ZFP64: variants seen among roughly 807,000 people sequenced by gnomAD.
The protein encoded by ZFP64 is ZFP64 zinc finger protein.
ZFP64 carries 14 observed loss-of-function variants against 51.6 expected under a neutral mutation model. That is an observed-to-expected ratio of 0.27 (90% CI 0.18 to 0.42). The LOEUF is 0.42. Ranked by LOEUF, ZFP64 falls within the 10% of genes least tolerant of loss-of-function variation. The pLI is 1.00. For missense variants in ZFP64, 754 were observed against 906.8 expected (o/e 0.83, Z 2.16); for synonymous variants, 375 against 361.4 (o/e 1.04, Z -0.43).
intron 5 of ZFP64, among the ~76,000 whole-genome samples, chr20:52,102,815 TTAGA>T (rs1368692667): frequency 2.0e-5 from 3 of 152,228 alleles, no homozygotes; most frequent in African/African-American, 7.2e-5. Flanking sequence ...TCTCATTAGC[TTAGA>T]TGAAGTTCTT....
chr20:52,150,137 G>A (rs141595045), downstream of ZFP64, among the ~76,000 whole-genome samples: 8 of 151,090 alleles, frequency 5.3e-5, no homozygotes, highest in African/African-American at 7.3e-5. Flanking sequence ...CCCGGGAGGC[G>A]GAGCTTGTAG....
Position 52,191,777 on chromosome 20 carries a change from TG to T in ZFP64, c.-142del, listed in dbSNP as rs1984397719. 1.4e-5 allele frequency: 15 copies of T among 1,090,788 alleles called. No homozygotes were observed. Among genetic ancestry groups the T allele is most frequent in the Non-Finnish European group, 1.8e-5 (15 of 817,828 alleles). 67.6% of individuals were successfully genotyped at this position (1,090,788 alleles called of 1,614,324 possible). Reference sequence around the variant, plus strand: ...AACTCTGCGAGGCGGGGAGGACGGATGTAAAGCAAGCTGCACTTCCGCTGCC... The same window carrying T: ...AACTCTGCGAGGCGGGGAGGACGGATTAAAGCAAGCTGCACTTCCGCTGCC... On this transcript the variant is annotated 5_prime_UTR_variant, in exon 1 of 6. Transcript: ENST00000216923. This position sits in a 1 kb window ranked among gnomAD's most constrained non-coding sequence, Gnocchi z 4.3.
At chr20:52,180,547 CAAAAAAAA>C (rs10669415) in intron 2 of ZFP64, among the ~76,000 whole-genome samples, 1 of 87,210 alleles carries the variant, frequency 1.1e-5, no homozygotes, top group African/African-American at 4.7e-5. Flanking sequence ...CCAGAAATGG[CAAAAAAAA>C]AAAAAAAAAA....
chr20:52,178,235 A>G (rs1247337364), intron 2 of ZFP64, among the ~76,000 whole-genome samples: 1 of 152,068 alleles, frequency 6.6e-6, no homozygotes, highest in Non-Finnish European at 1.5e-5. Flanking sequence ...TTTGAGAAAC[A>G]TCGCAATGAG....
At chr20:52,087,177 T>A (rs1245572167) in intron 8 of ZFP64, among the ~76,000 whole-genome samples, 1 of 152,240 alleles carries the variant, frequency 6.6e-6, no homozygotes, top group Admixed American at 6.5e-5. Context: ...CTCCCTTCCA[T>A]CCTGATTGGA....
At chr20:52,167,518 C>A (rs1600790851) in intron 2 of ZFP64, among the ~76,000 whole-genome samples, 1 of 144,516 alleles carries the variant, frequency 6.9e-6, no homozygotes, top group East Asian at 2.1e-4. Flanking sequence ...TTCCTCCCTC[C>A]CTCCCTCTTC....
exon 9 of ZFP64, chr20:52,084,739 C>G (rs775859440): frequency 6.2e-7 from 1 of 1,614,118 alleles, no homozygotes; most frequent in Admixed American, 1.7e-5. Context: ...AAGGAGGCGC[C>G]GCAGGTCTCA....
At chr20:52,137,757 T>C (rs1980047454) in intron 5 of ZFP64, among the ~76,000 whole-genome samples, 1 of 152,196 alleles carries the variant, frequency 6.6e-6, no homozygotes, top group Non-Finnish European at 1.5e-5. Context: ...ATGGCGGCTG[T>C]AGAAGATGAA....
intron 4 of ZFP64, among the ~76,000 whole-genome samples, chr20:52,161,994 G>C (rs1981849214): frequency 6.6e-6 from 1 of 152,182 alleles, no homozygotes; most frequent in Non-Finnish European, 1.5e-5. Context: ...ACATCTAAAA[G>C]TTTATTAAAG....
At chr20:52,148,392 C>T (rs67642347), downstream of ZFP64, among the ~76,000 whole-genome samples, 25,274 of 152,180 alleles carry the variant, frequency 0.17, 2,728 homozygotes, top group Admixed American at 0.25. Flanking sequence ...CATAAGTGGA[C>T]AGTCAAACCT....
intron 2 of ZFP64, among the ~76,000 whole-genome samples, chr20:52,174,416 G>A (rs1010582200): frequency 1.3e-5 from 2 of 149,934 alleles, no homozygotes; most frequent in African/African-American, 4.9e-5. Flanking sequence ...CCGGGAGGCG[G>A]AGGTTGCAGT....
chr20:52,104,826 C>A, intron 5 of ZFP64: 1 of 630,168 alleles, frequency 1.6e-6, no homozygotes, highest in Non-Finnish European at 3.0e-6. Context: ...CCCGCGCATC[C>A]CGAAAACAGC....
At chr20:52,177,358 G>A (rs1027059328) in intron 2 of ZFP64, among the ~76,000 whole-genome samples, 1 of 152,180 alleles carries the variant, frequency 6.6e-6, no homozygotes, top group Non-Finnish European at 1.5e-5. Context: ...GGGTTCCACT[G>A]GTAGGCCCCT....
intron 2 of ZFP64, among the ~76,000 whole-genome samples, chr20:52,171,383 C>CTGTGTATGCGTATGCGTA (rs1982706658): frequency 6.9e-6 from 1 of 144,962 alleles, no homozygotes; most frequent in Non-Finnish European, 1.5e-5. Flanking sequence ...GTGTATGTGT[C>CTGTGTATGCGTATGCGTA]TGTGTATGCG....
At chr20:52,187,171 A>G in intron 1 of ZFP64, 100 bp from the exon 2 acceptor site, 1 of 1,350,312 alleles carries the variant, frequency 7.4e-7, no homozygotes, top group Non-Finnish European at 1.0e-6. Flanking sequence ...GGTGGCAGAC[A>G]TGGCTGGGTA....
At position 52,097,105 on chromosome 20, in the gene ZFP64, G is replaced by T. The variant is rs373132609; in HGVS notation, c.976+268C>A. On this transcript the variant is annotated intron_variant, in intron 7 of 8. Transcript: ENST00000361387. ...GGTCTTATTTCTCTTCTCAGCAGCT[G>T]GCTGCCCTAAAAAAAAAAGCACCTT... The T allele has an allele frequency of 4.4e-6, 3 of 688,076 alleles. No individual in the cohort carries two copies. In the African/African-American group the frequency reaches 9.5e-5, roughly 22 times the overall value. The allele number at this position is 688,076 out of a possible 1,614,324, so 42.6% of individuals were successfully genotyped here.
chr20:52,187,371 T>C (rs965157998), intron 1 of ZFP64, among the ~76,000 whole-genome samples: 2 of 152,088 alleles, frequency 1.3e-5, no homozygotes, highest in Non-Finnish European at 2.9e-5. Flanking sequence ...CCTGTAATCC[T>C]GGCACTTTGG....
At chr20:52,130,076 T>C (rs1979649839) in intron 5 of ZFP64, among the ~76,000 whole-genome samples, 1 of 152,166 alleles carries the variant, frequency 6.6e-6, no homozygotes, top group Non-Finnish European at 1.5e-5. Flanking sequence ...CTCATTCCAG[T>C]CTTTGTTCCA....
At chr20:52,136,910 A>G (rs948505462) in intron 5 of ZFP64, among the ~76,000 whole-genome samples, 5 of 152,118 alleles carry the variant, frequency 3.3e-5, no homozygotes, top group African/African-American at 1.2e-4. Context: ...GACTACAGGC[A>G]TCCACCACCA....
Sources: allele counts gnomAD v4.1 joint callset (sites outside exome capture counted in the v4.1 genomes callset), GRCh38; gene constraint gnomAD v4.1.1; non-coding constraint Gnocchi (gnomAD v3.1); transcripts MANE v1.5; gene names NCBI Gene and HGNC (gene_info 2026-07-23, HGNC 2026-07-21).